EPHB6: variants seen among roughly 807,000 people sequenced by gnomAD.
The protein encoded by EPHB6 is EPH receptor B6.
EPHB6 carries 51 observed loss-of-function variants against 107.0 expected under a neutral mutation model. That is an observed-to-expected ratio of 0.48 (90% CI 0.38 to 0.60). The LOEUF is 0.60. Among genes scored for constraint, EPHB6 ranks in the 20% least tolerant of loss-of-function variants. EPHB6 has a pLI of 0.00. For missense variants in EPHB6, 1,141 were observed against 1,355.5 expected (o/e 0.84, Z 2.48); for synonymous variants, 553 against 549.0 (o/e 1.01, Z -0.10).
chr7:142,862,053 A>G lies in EPHB6; in HGVS notation c.-260A>G, dbSNP rs1162602709. The G allele has an allele frequency of 1.3e-5, 2 of 152,220 alleles. No individual in the cohort carries two copies. Among genetic ancestry groups the G allele is most frequent in the Non-Finnish European group, 2.9e-5 (2 of 68,060 alleles). The allele number at this position is 152,220 out of a possible 1,614,324, so 9.4% of individuals were successfully genotyped here. A position where few individuals can be genotyped will look rare whatever the true frequency, so the allele number is the denominator to read the frequency against. ...GGAAGTCCAAGATCAGGGTGCCGGC[A>G]TGGTCAGTTCCTGGCGAAGCCTCTC... On this transcript the variant is annotated 5_prime_UTR_variant, in exon 3 of 20. It removes an upstream start codon present in the reference 5' UTR. Coordinates refer to ENST00000652003, the MANE Select transcript of EPHB6 (RefSeq NM_004445.6).
rs1794734317 is a variant in EPHB6 at position 142,868,635 on chromosome 7, C to T, written c.2182C>T (p.Gln728Ter). The change falls in exon 15 of 20, where the codon CAG (glutamine) becomes TAG (stop). Residue 728 changes from glutamine (Q) to a stop codon, truncating the protein, a stop_gained. Coordinates refer to ENST00000652003, the MANE Select transcript of EPHB6 (RefSeq NM_004445.6). LOFTEE classifies it high-confidence loss of function. This position sits in a 1 kb window ranked among gnomAD's most constrained non-coding sequence, Gnocchi z 4.2. ...LGRAAVLGQF[Q>*]HPNILRLEGV... ...CCGGGCCGCAGTGCTGGGTCAGTTC[C>T]AGCACCCCAACATCCTGCGGCTGGA... 6.2e-7 allele frequency: 1 copy of T among 1,613,778 alleles called. No homozygotes were observed. The highest frequency in any genetic ancestry group is 8.5e-7 in the Non-Finnish European group (1 of 1,180,024).
chr7:142,870,933 G>A lies in EPHB6; in HGVS notation c.*29G>A. 1 of 1,598,988 alleles carries A rather than the reference G, an allele frequency of 6.3e-7. No individual in the cohort carries two copies. The highest frequency in any genetic ancestry group is 8.5e-7 in the Non-Finnish European group (1 of 1,173,502). On this transcript the variant is annotated 3_prime_UTR_variant, in exon 20 of 20. Transcript: ENST00000652003. Reference sequence around the variant, plus strand: ...TGACGATACCCGTGACTCAGCCCTGGACACTGGTCCGAGAAGGGACATGTG... The same window carrying A: ...TGACGATACCCGTGACTCAGCCCTGAACACTGGTCCGAGAAGGGACATGTG...
Position 142,864,754 on chromosome 7 carries a change from G to C in EPHB6, c.949+5G>C, listed in dbSNP as rs760406367. 5.6e-6 allele frequency: 9 copies of C among 1,612,648 alleles called. No homozygotes were observed. Among genetic ancestry groups the C allele is most frequent in the South Asian group, 3.3e-5 (3 of 91,082 alleles). On this transcript the variant is annotated splice_donor_5th_base_variant and intron_variant, in intron 7 of 19. Transcript: ENST00000652003. Reference sequence around the variant, plus strand: ...GAGGAGACAAGGCCTGCCAAGGTGAGAGCCCACTCGTCTTGCACTTGCCCG... The same window carrying C: ...GAGGAGACAAGGCCTGCCAAGGTGACAGCCCACTCGTCTTGCACTTGCCCG...
chr7:142,862,627 GAAATTTCTA>G (rs1802894887), intron 3 of EPHB6, 120 bp from the exon 4 acceptor site: 1 of 152,814 alleles, frequency 6.5e-6, no homozygotes, highest in African/African-American at 2.4e-5. Context: ...CTGCCCCTCT[GAAATTTCTA>G]GAGCATCCAG....
chr7:142,857,598 C>T (rs1802662226), intron 1 of EPHB6, among the ~76,000 whole-genome samples: 1 of 152,208 alleles, frequency 6.6e-6, no homozygotes, highest in Admixed American at 6.5e-5. Context: ...CCACACCAGA[C>T]ATAAAACCTC....
chr7:142,859,959 G>A (rs1802771560), intron 1 of EPHB6, among the ~76,000 whole-genome samples: 1 of 152,140 alleles, frequency 6.6e-6, no homozygotes, highest in African/African-American at 2.4e-5. Context: ...GCATGCTAAG[G>A]CTATGCAAGC....
chr7:142,870,530 G>A lies in EPHB6; in HGVS notation c.2805G>A (p.Arg935=), dbSNP rs1230698208. 6.2e-7 allele frequency: 1 copy of A among 1,614,218 alleles called. No individual in the cohort carries two copies. Among genetic ancestry groups the A allele is most frequent in the African/African-American group, 1.3e-5 (1 of 75,060 alleles). Residue 935 remains arginine, a splice_region_variant and synonymous_variant, in exon 19 of 20, where the codon AGG becomes AGA. Transcript: ENST00000652003. ...TLQAGGDPGE[R]PSQALLTPVA... ...ACCCTGCTTGCCCCTCCCCTCTTAGGCCTTCCCAGGCCCTTCTGACCCCTG... is the reference window on the plus strand; with the variant it reads ...ACCCTGCTTGCCCCTCCCCTCTTAGACCTTCCCAGGCCCTTCTGACCCCTG...
chr7:142,867,831 TCCCGTCAG>T lies in EPHB6; in HGVS notation c.1865+112_1865+119del, dbSNP rs1427100132. ...TGCAGAAACCTCACACTGGTGCTCCTCCCGTCAGCCAGCCCCTGCCCTGGGCCCCACGT... is the reference window on the plus strand; with the variant it reads ...TGCAGAAACCTCACACTGGTGCTCCTCCAGCCCCTGCCCTGGGCCCCACGT... On this transcript the variant is annotated intron_variant, in intron 12 of 19. Transcript: ENST00000652003. The surrounding 1 kb of genome is among the most constrained non-coding windows in gnomAD (Gnocchi z 5.3). The T allele has an allele frequency of 7.0e-7, 1 of 1,422,526 alleles. No individual in the cohort carries two copies. Among genetic ancestry groups the T allele is most frequent in the Non-Finnish European group, 9.7e-7 (1 of 1,033,644 alleles). 88.1% of individuals were successfully genotyped at this position (1,422,526 alleles called of 1,614,324 possible).
At position 142,867,265 on chromosome 7, in the gene EPHB6, A is replaced by C. The variant is rs1794650154; in HGVS notation, c.1750+197A>C. The C allele has an allele frequency of 1.5e-6, 1 of 675,650 alleles. No individual in the cohort carries two copies. Among genetic ancestry groups the C allele is most frequent in the South Asian group, 1.9e-5 (1 of 53,562 alleles). The allele number at this position is 675,650 out of a possible 1,614,324, so 41.9% of individuals were successfully genotyped here. On this transcript the variant is annotated intron_variant, in intron 11 of 19. Transcript: ENST00000652003. This position sits in a 1 kb window ranked among gnomAD's most constrained non-coding sequence, Gnocchi z 5.3. ...TGGGGAATTGTAGGGGTATGTATGC[A>C]TGTTGAGTGTGGATATAGGAGGGCT... is the stretch of plus-strand genomic sequence containing the variant.
rs1477260993 is a variant in EPHB6 at position 142,868,257 on chromosome 7, T to G, written c.1935T>G (p.Tyr645Ter). The part of the protein sequence containing the change: ...QYSSPGLGVK[Y>*]YIDPSTYEDP... The stretch of plus-strand genomic sequence containing the variant: ...CCCCTCCAGGACTCGGGGTGAAGTA[T>G]TACATCGACCCCTCCACCTACGAGG... The change falls in exon 14 of 20, where the codon TAT becomes TAG. Residue 645 changes from tyrosine (Y) to a stop codon, truncating the protein, a stop_gained. Transcript: ENST00000652003. LOFTEE classifies it high-confidence loss of function. The surrounding 1 kb of genome is among the most constrained non-coding windows in gnomAD (Gnocchi z 4.2). The G allele has an allele frequency of 6.2e-7, 1 of 1,613,920 alleles. No homozygotes were observed. Among genetic ancestry groups the G allele is most frequent in the African/African-American group, 1.3e-5 (1 of 74,868 alleles).
At chr7:142,858,592 C>A (rs1197387696) in intron 1 of EPHB6, among the ~76,000 whole-genome samples, 2 of 141,170 alleles carry the variant, frequency 1.4e-5, no homozygotes, top group Non-Finnish European at 3.1e-5. Flanking sequence ...CACGCCACCA[C>A]GCCCAGCTAA....
At position 142,868,575 on chromosome 7, in the gene EPHB6, G is replaced by T. The variant is rs200244040; in HGVS notation, c.2122G>T (p.Gly708Trp). 2 of 1,613,324 alleles carry T rather than the reference G, an allele frequency of 1.2e-6. No homozygotes were observed. Among genetic ancestry groups the T allele is most frequent in the Non-Finnish European group, 1.7e-6 (2 of 1,179,926 alleles). ...QTVAIQALWAGGAESLQMTFL... is the reference protein window; with the variant it reads ...QTVAIQALWAWGAESLQMTFL... The stretch of plus-strand genomic sequence containing the variant: ...TGTGGCCATCCAGGCCCTGTGGGCC[G>T]GGGGCGCCGAAAGCCTGCAGATGAC... Residue 708 changes from glycine (G) to tryptophan (W), a missense_variant, in exon 15 of 20, where the codon GGG becomes TGG. Gly to Trp is a radical substitution (Grantham distance 184). Transcript: ENST00000652003. This position sits in a 1 kb window ranked among gnomAD's most constrained non-coding sequence, Gnocchi z 4.2.
rs1307137248 is a variant in EPHB6 at position 142,863,675 on chromosome 7, C to T, written c.145C>T (p.Leu49Phe). Residue 49 changes from leucine (L) to phenylalanine (F), a missense_variant, in exon 6 of 20, where the codon CTC (leucine) becomes TTC (phenylalanine). Leu to Phe is a conservative substitution (Grantham distance 22). Around this residue, in one of 3 missense-constraint regions of EPHB6, gnomAD observed 221 missense variants for 300.5 expected, o/e 0.74. Coordinates refer to ENST00000652003, the MANE Select transcript of EPHB6 (RefSeq NM_004445.6). ...CGGAGAGACATCTGAGATTGGCTGG[C>T]TCACCTACCCACCAGGGGGGGTGAG... ...TTGETSEIGWLTYPPGGWDEV... is the reference protein window; with the variant it reads ...TTGETSEIGWFTYPPGGWDEV... The T allele has an allele frequency of 6.2e-7, 1 of 1,613,926 alleles. No homozygotes were observed. Among genetic ancestry groups the T allele is most frequent in the Non-Finnish European group, 8.5e-7 (1 of 1,180,002 alleles).
intron 1 of EPHB6, among the ~76,000 whole-genome samples, chr7:142,856,461 C>T (rs984886673): frequency 6.6e-6 from 1 of 152,154 alleles, no homozygotes; most frequent in Admixed American, 6.5e-5. Context: ...AGATGGTTGG[C>T]AATGACACTG....
Position 142,870,574 on chromosome 7 carries a change from G to C in EPHB6, c.2849G>C (p.Cys950Ser), listed in dbSNP as rs763800630. The C allele has an allele frequency of 6.8e-6, 11 of 1,614,130 alleles. No homozygotes were observed. The South Asian group carries it at 1.2e-4, about 18-fold the overall frequency. The change falls in exon 19 of 20, where the codon TGT (cysteine) becomes TCT (serine). Residue 950 changes from cysteine (C) to serine (S), a missense_variant. Physicochemically the swap from Cys to Ser is moderately radical, Grantham distance 112 (BLOSUM62 -1). Transcript: ENST00000652003. ...ACCCCTGTGGCCCTGGACTTTCCTT[G>C]TCTGGACTCACCCCAGGCCTGGCTT... ...LLTPVALDFP[C>S]LDSPQAWLSA...
Position 142,868,835 on chromosome 7 carries a change from C to T in EPHB6, c.2286+96C>T. 1 of 1,604,580 alleles carries T rather than the reference C, an allele frequency of 6.2e-7. No individual in the cohort carries two copies. Among genetic ancestry groups the T allele is most frequent in the Non-Finnish European group, 8.5e-7 (1 of 1,176,244 alleles). ...TCTTTGCTTCTTACCACCCCACCTT[C>T]CATGGTCTCCGTCCTTCCTTCCCAG... On this transcript the variant is annotated intron_variant, in intron 15 of 19. Transcript: ENST00000652003. This position sits in a 1 kb window ranked among gnomAD's most constrained non-coding sequence, Gnocchi z 4.2.
intron 6 of EPHB6, 73 bp downstream of exon 6, chr7:142,863,768 A>C (rs1319495176): frequency 1.3e-6 from 2 of 1,559,352 alleles, no homozygotes; most frequent in East Asian, 4.5e-5. Context: ...AGTGGAATTC[A>C]TGAAGGAAAC....
chr7:142,857,083 G>C (rs8177113), intron 1 of EPHB6, among the ~76,000 whole-genome samples: 131,853 of 152,194 alleles, frequency 0.87, 58,224 homozygotes, highest in East Asian at 0.99. Context: ...GCATGTCCCC[G>C]GTCAGTGCAC....
Position 142,857,633 on chromosome 7 carries a change from TC to T in EPHB6, c.-432+2249del, listed in dbSNP as rs143048896. Among the ~76,000 whole-genome samples, 43 of 152,320 alleles carry T rather than the reference TC, an allele frequency of 2.8e-4. No homozygotes were observed. In the East Asian group the frequency reaches 7.7e-3, roughly 27 times the overall value. Reference sequence around the variant, plus strand: ...CGAACCGCTTTGCCCTTGGGACTGTTCTGTCCCTGCTGGACTCTGCAGCCTG... The same window carrying T: ...CGAACCGCTTTGCCCTTGGGACTGTTTGTCCCTGCTGGACTCTGCAGCCTG... On this transcript the variant is annotated intron_variant, in intron 1 of 19. Transcript: ENST00000652003.
Sources: gnomAD v4.1 joint callset for allele counts (sites outside exome capture counted in the v4.1 genomes callset) on GRCh38, gnomAD v4.1.1 for gene constraint, gnomAD v4.1.1 regional missense constraint, Gnocchi (gnomAD v3.1) non-coding constraint, MANE v1.5 for transcripts, NCBI Gene and HGNC (gene_info 2026-07-23, HGNC 2026-07-21) for gene names.